The following PER3 variants were observed in gnomAD, a reference collection of about 807,000 sequenced individuals.
The protein encoded by PER3 is period circadian regulator 3, also known as period circadian protein homolog 3.
In PER3, 107 loss-of-function variants were observed where a neutral mutation model predicts 127.2. The ratio of observed to expected loss-of-function variants is 0.84; its 90% confidence interval spans 0.72 to 0.99. The LOEUF (loss-of-function observed/expected upper bound fraction) is 0.99. PER3 is among the 50% of genes least tolerant of loss of function. The probability of loss-of-function intolerance (pLI) is 0.00; values close to 1 mark genes in which losing one functional copy is unlikely to be tolerated. For missense variants in PER3, 1,560 were observed against 1,525.8 expected (o/e 1.02, Z -0.37); for synonymous variants, 618 against 585.8 (o/e 1.05, Z -0.79).
intron 16 of PER3, among the ~76,000 whole-genome samples, chr1:7,821,725 A>G (rs1426355006): frequency 6.6e-6 from 1 of 152,314 alleles, no homozygotes; most frequent in Middle Eastern, 3.4e-3. Context: ...TTTTACTGCT[A>G]TTAGTTTCTT....
intron 8 of PER3, among the ~76,000 whole-genome samples, chr1:7,802,010 T>C (rs996267371): frequency 1.9e-4 from 29 of 152,156 alleles, no homozygotes; most frequent in African/African-American, 6.8e-4. Context: ...TGAAACCAAA[T>C]AGTAATGTGT....
Position 7,843,947 on chromosome 1 carries a change from AC to A in PER3, c.*1196del. 4 of 1,281,122 alleles carry A rather than the reference AC, an allele frequency of 3.1e-6. No homozygotes were observed. Among genetic ancestry groups the A allele is most frequent in the African/African-American group, 1.5e-5 (1 of 64,672 alleles). The allele number at this position is 1,281,122 out of a possible 1,614,324, so 79.4% of individuals were successfully genotyped here. A position where few individuals can be genotyped will look rare whatever the true frequency, so the allele number is the denominator to read the frequency against. On this transcript the variant is annotated 3_prime_UTR_variant, in exon 22 of 22. Transcript: ENST00000377532. ...ACTTGGAATGATAGATGAAATTCAC[AC>A]CCCTGCAGATCAGAAAAAACAAATA... is the stretch of plus-strand genomic sequence containing the variant.
rs1277497137 is a variant in PER3, at chr1:7,803,824, TC to T, written c.1113del (p.Ile372LeufsTer11). Reference sequence around the variant, plus strand: ...CCCTGGAGCCGGAAGATTTCTTTCATCATTGGTCGGCATAAAGTTCGAACGT... The same window carrying T: ...CCCTGGAGCCGGAAGATTTCTTTCATATTGGTCGGCATAAAGTTCGAACGT... ...VNPWSRKISF[I>X]IGRHKVRTSP... On this transcript the variant is annotated frameshift_variant, in exon 10 of 22. Coordinates refer to ENST00000377532, the MANE Select transcript of PER3 (RefSeq NM_001377275.1). LOFTEE classifies it high-confidence loss of function. The T allele has an allele frequency of 6.2e-7, 1 of 1,613,924 alleles. No individual in the cohort carries two copies. The highest frequency in any genetic ancestry group is 8.5e-7 in the Non-Finnish European group (1 of 1,179,888).
intron 5 of PER3, among the ~76,000 whole-genome samples, chr1:7,790,436 T>C (rs1016619634): frequency 6.6e-6 from 1 of 152,168 alleles, no homozygotes; most frequent in Non-Finnish European, 1.5e-5. Context: ...TGGGGGAAAC[T>C]GCCCCCATGA....
At chr1:7,832,724 TTTTTCTTA>T (rs2097338461) in intron 19 of PER3, among the ~76,000 whole-genome samples, 1 of 152,254 alleles carries the variant, frequency 6.6e-6, no homozygotes, top group East Asian at 1.9e-4. Context: ...TTTTATTTTT[TTTTTCTTA>T]TTTCTTAAGG....
chr1:7,837,758 A>G (rs2097365067), intron 21 of PER3, among the ~76,000 whole-genome samples: 1 of 152,188 alleles, frequency 6.6e-6, no homozygotes, highest in South Asian at 2.1e-4. Context: ...GTATCAAGAT[A>G]TGGGAGGTTG....
At chr1:7,820,831 ATTTCTCAGTTATGTTAT>A (rs1205651576) in intron 16 of PER3, among the ~76,000 whole-genome samples, 191 bp downstream of exon 16, 1 of 152,204 alleles carries the variant, frequency 6.6e-6, no homozygotes, top group African/African-American at 2.4e-5. Context: ...TTTGGACAGT[ATTTCTCAGTTATGTTAT>A]TTGTCAATGA....
At chr1:7,830,596 G>T (rs2097327026) in intron 19 of PER3, among the ~76,000 whole-genome samples, 1 of 152,178 alleles carries the variant, frequency 6.6e-6, no homozygotes, top group Non-Finnish European at 1.5e-5. Flanking sequence ...TGATGCTGTT[G>T]AGATGCACGC....
chr1:7,817,311 C>G (rs1478907810), intron 13 of PER3, among the ~76,000 whole-genome samples: 1 of 152,054 alleles, frequency 6.6e-6, no homozygotes, highest in Non-Finnish European at 1.5e-5. Flanking sequence ...CAGAGAGAAC[C>G]CAAGATGAGA....
intron 2 of PER3, 22 bp downstream of exon 2, chr1:7,785,027 G>A (rs697682): frequency 0.028 from 43,224 of 1,565,974 alleles, 765 homozygotes; most frequent in East Asian, 0.061. Context: ...GCTTCAGGCC[G>A]AGGGCCCCAT....
At chr1:7,803,587 CA>C (rs936003618) in intron 9 of PER3, 104 bp from the exon 10 acceptor site, 65 of 747,010 alleles carry the variant, frequency 8.7e-5, no homozygotes, top group African/African-American at 3.0e-4. Context: ...GACTCAATCT[CA>C]AAAAAAACCA....
chr1:7,829,428 C>T (rs1262887776), intron 18 of PER3, among the ~76,000 whole-genome samples: 1 of 152,168 alleles, frequency 6.6e-6, no homozygotes, highest in Non-Finnish European at 1.5e-5. Flanking sequence ...TTAAATGCAG[C>T]ACTTTATGAC....
At chr1:7,842,508 AAAT>A in intron 21 of PER3, 161 bp from the exon 22 acceptor site, 5 of 507,100 alleles carry the variant, frequency 9.9e-6, no homozygotes, top group Non-Finnish European at 1.0e-5. Flanking sequence ...TCAAAAAAAA[AAAT>A]AAAAATAGTT....
intron 21 of PER3, among the ~76,000 whole-genome samples, chr1:7,842,039 T>C (rs1361479015): frequency 6.6e-6 from 1 of 152,186 alleles, no homozygotes; most frequent in East Asian, 1.9e-4. Flanking sequence ...TCCTGAATAC[T>C]GTAGGCCGTT....
intron 18 of PER3, 97 bp downstream of exon 18, chr1:7,827,912 G>GGT: frequency 1.1e-6 from 1 of 883,254 alleles, no homozygotes; most frequent in Non-Finnish European, 1.7e-6. Context: ...ATTCTCAGTA[G>GGT]GTAATCCGCG....
chr1:7,837,436 A>G (rs1355224413), intron 21 of PER3, among the ~76,000 whole-genome samples: 1 of 152,246 alleles, frequency 6.6e-6, no homozygotes, highest in Non-Finnish European at 1.5e-5. Context: ...GATAAAGAGT[A>G]AAAACACCTG....
rs2097156020 is a variant in PER3 at position 7,798,546 on chromosome 1, A to G, written c.666A>G (p.Gln222=). The change falls in exon 7 of 22, where the codon CAA becomes CAG. Residue 222 remains glutamine, a synonymous_variant. Coordinates refer to ENST00000377532, the MANE Select transcript of PER3 (RefSeq NM_001377275.1). Reference sequence around the variant, plus strand: ...TCAGTGGAGGTGAAGACAGAAAGCAAGAGAAGTGTCACTCCCCATTCCGGA... The same window carrying G: ...TCAGTGGAGGTGAAGACAGAAAGCAGGAGAAGTGTCACTCCCCATTCCGGA... ...CRIRGGEDRK[Q]EKCHSPFRII... is the part of the protein sequence containing the mutation. The G allele has an allele frequency of 8.7e-6, 14 of 1,613,642 alleles. No homozygotes were observed. Among genetic ancestry groups the G allele is most frequent in the Admixed American group, 1.7e-5 (1 of 59,986 alleles).
At chr1:7,804,826 C>G (rs973273013) in intron 10 of PER3, among the ~76,000 whole-genome samples, 7 of 151,386 alleles carry the variant, frequency 4.6e-5, no homozygotes, top group African/African-American at 1.7e-4. Context: ...CCCACAACTT[C>G]TTGTAGGCTA....
intron 5 of PER3, among the ~76,000 whole-genome samples, chr1:7,789,398 G>C (rs1407704169): frequency 6.6e-6 from 1 of 152,150 alleles, no homozygotes; most frequent in African/African-American, 2.4e-5. Context: ...CATGAGATCT[G>C]ATTGCTTTAA....
Sources: allele counts gnomAD v4.1 joint callset (sites outside exome capture counted in the v4.1 genomes callset), GRCh38; gene constraint gnomAD v4.1.1; transcripts MANE v1.5; gene names NCBI Gene and HGNC (gene_info 2026-07-23, HGNC 2026-07-21).